ENAH: variants seen among roughly 807,000 people sequenced by gnomAD.
ENAH encodes the protein ENAH actin regulator, also known as protein enabled homolog.
In ENAH, 23 loss-of-function variants were observed where a neutral mutation model predicts 78.7. That is an observed-to-expected ratio of 0.29 (90% CI 0.21 to 0.41). The LOEUF (loss-of-function observed/expected upper bound fraction) is 0.41, where lower values mean the gene tolerates loss of function less well. Among genes scored for constraint, ENAH ranks in the 10% least tolerant of loss-of-function variants. The pLI, the probability that ENAH is intolerant of heterozygous loss-of-function variation, is 1.00. For missense variants in ENAH, 544 were observed against 691.0 expected, an observed-to-expected ratio of 0.79 and a Z score of 2.39; for synonymous variants, 226 against 241.0, an observed-to-expected ratio of 0.94 and a Z score of 0.58.
chr1:225,566,263 T>G (rs201389035), intron 2 of ENAH, among the ~76,000 whole-genome samples: 4 of 151,894 alleles, frequency 2.6e-5, no homozygotes, highest in Non-Finnish European at 5.9e-5. Context: ...TTGTGTGTTT[T>G]TTTGTTTGTT....
chr1:225,511,980 G>A, intron 9 of ENAH, 121 bp from the exon 10 acceptor site: 1 of 571,624 alleles, frequency 1.7e-6, no homozygotes, highest in Non-Finnish European at 3.0e-6. Flanking sequence ...TCTTTCATCG[G>A]TCTTCTCTCC....
intron 11 of ENAH, among the ~76,000 whole-genome samples, chr1:225,502,226 T>G (rs529276615): frequency 6.6e-6 from 1 of 152,296 alleles, no homozygotes; most frequent in African/African-American, 2.4e-5. Flanking sequence ...TTGCTGCTGT[T>G]TATGAGATGC....
At chr1:225,555,862 TGAG>T (rs1429920397) in intron 2 of ENAH, among the ~76,000 whole-genome samples, 1 of 152,234 alleles carries the variant, frequency 6.6e-6, no homozygotes, top group African/African-American at 2.4e-5. Flanking sequence ...CATATCATTC[TGAG>T]GAGGGTCTTG....
chr1:225,592,871 T>C (rs919911873), intron 1 of ENAH, among the ~76,000 whole-genome samples: 1 of 152,118 alleles, frequency 6.6e-6, no homozygotes, highest in Non-Finnish European at 1.5e-5. Flanking sequence ...AACTACTTTA[T>C]AAAAGTTGTA....
At chr1:225,543,043 C>T (rs1178619091) in intron 3 of ENAH, among the ~76,000 whole-genome samples, 1 of 151,258 alleles carries the variant, frequency 6.6e-6, no homozygotes, top group Non-Finnish European at 1.5e-5. Context: ...AAGTTCTGTA[C>T]TTTATTCTAA....
chr1:225,539,130 C>T (rs1227215161), intron 3 of ENAH, among the ~76,000 whole-genome samples: 2 of 152,184 alleles, frequency 1.3e-5, no homozygotes, highest in African/African-American at 4.8e-5. Context: ...TTCAGTTACA[C>T]AAACCAGAAA....
intron 1 of ENAH, 67 bp downstream of exon 1, chr1:225,652,619 G>A (rs1558969553): frequency 2.4e-6 from 3 of 1,251,104 alleles, no homozygotes; most frequent in Non-Finnish European, 3.0e-6. Context: ...CGGGGTCCGA[G>A]GAGAACGGGG....
chr1:225,541,961 A>G (rs574704433), intron 3 of ENAH, among the ~76,000 whole-genome samples: 58 of 152,170 alleles, frequency 3.8e-4, no homozygotes, highest in Non-Finnish European at 6.9e-4. Flanking sequence ...GTGAAGTGGA[A>G]CCTCAAACTC....
Position 225,590,926 on chromosome 1 carries a change from C to T in ENAH, c.6-23512G>A, listed in dbSNP as rs137866387. 6.9e-4 allele frequency among the ~76,000 whole-genome samples: 105 copies of T among 152,232 alleles called. 1 individual carries two copies. In the East Asian group the frequency reaches 0.014, roughly 21 times the overall value. ...AAAATATAATATCCTACAATTTCTG[C>T]AAAGGAGAATCTAGTTAGGAATAGT... On this transcript the variant is annotated intron_variant, in intron 1 of 13. Transcript: ENST00000366843.
chr1:225,633,907 G>T (rs1424007833), intron 1 of ENAH, among the ~76,000 whole-genome samples: 1 of 152,142 alleles, frequency 6.6e-6, no homozygotes, highest in Non-Finnish European at 1.5e-5. Flanking sequence ...CAGCTATGAG[G>T]CCTCTGGATC....
At chr1:225,539,144 A>C (rs1379238426) in intron 3 of ENAH, among the ~76,000 whole-genome samples, 1 of 152,086 alleles carries the variant, frequency 6.6e-6, no homozygotes, top group Admixed American at 6.5e-5. Context: ...CCAGAAATCC[A>C]CTACCTTTTC....
rs899068252 is a variant in ENAH at position 225,489,974 on chromosome 1, A to G, written c.*7801T>C. ...AATAATAATAATAACAATAATAATA[A>G]AAAGCTTTATCTATCCTTGCTTGTA... On this transcript the variant is annotated 3_prime_UTR_variant, in exon 14 of 14. Transcript: ENST00000366843. 6.6e-6 allele frequency: 1 copy of G among 152,138 alleles called. No homozygotes were observed. Among genetic ancestry groups the G allele is most frequent in the Non-Finnish European group, 1.5e-5 (1 of 68,036 alleles). The allele number at this position is 152,138 out of a possible 1,614,324, so 9.4% of individuals were successfully genotyped here. A position where few individuals can be genotyped will look rare whatever the true frequency, so the allele number is the denominator to read the frequency against.
chr1:225,649,397 T>C (rs1662555052), intron 1 of ENAH, among the ~76,000 whole-genome samples: 1 of 142,646 alleles, frequency 7.0e-6, no homozygotes, highest in Non-Finnish European at 1.5e-5. Flanking sequence ...CTCTTTCAGT[T>C]AAAAAAAAAA....
intron 1 of ENAH, among the ~76,000 whole-genome samples, chr1:225,620,031 C>T (rs544336853): frequency 1.6e-4 from 25 of 152,144 alleles, no homozygotes; most frequent in Non-Finnish European, 3.7e-4. Context: ...TTCAAGGATA[C>T]GATGCATTAA....
In ENAH at chr1:225,562,590, AAAAAAAAAAAAAC is replaced by A. The variant is rs2096713097; in HGVS notation, c.171+4646_171+4658del. 2.7e-5 allele frequency among the ~76,000 whole-genome samples: 4 copies of A among 148,952 alleles called. No individual in the cohort carries two copies. In the South Asian group the frequency reaches 8.4e-4, roughly 31 times the overall value. On this transcript the variant is annotated intron_variant, in intron 2 of 13. Transcript: ENST00000366843. ...GCGTCTCAAAAAAAAAAAAAAAAAAAAAAAAAAAAAAACACACCCAAGCATAGTACCCATAAGC... is the reference window on the plus strand; with the variant it reads ...GCGTCTCAAAAAAAAAAAAAAAAAAAACACCCAAGCATAGTACCCATAAGC...
chr1:225,598,397 AAGAC>A (rs2096913123), intron 1 of ENAH, among the ~76,000 whole-genome samples: 1 of 152,140 alleles, frequency 6.6e-6, no homozygotes, highest in Non-Finnish European at 1.5e-5. Flanking sequence ...AAAAAAGGAA[AAGAC>A]AGAAAGTATA....
chr1:225,647,686 C>T (rs1442313658), intron 1 of ENAH, among the ~76,000 whole-genome samples: 4 of 152,178 alleles, frequency 2.6e-5, no homozygotes, highest in South Asian at 4.1e-4. Flanking sequence ...CCAAATACTA[C>T]ACTACACCCT....
At chr1:225,615,098 G>C (rs554457291) in intron 1 of ENAH, among the ~76,000 whole-genome samples, 1 of 152,110 alleles carries the variant, frequency 6.6e-6, no homozygotes, top group Admixed American at 6.5e-5. Context: ...GCCGAGCGGA[G>C]GCTGGACTGT....
chr1:225,574,111 T>C (rs2096776392), intron 1 of ENAH, among the ~76,000 whole-genome samples: 1 of 152,228 alleles, frequency 6.6e-6, no homozygotes, highest in Non-Finnish European at 1.5e-5. Flanking sequence ...CTTTGGAATT[T>C]TAAATTCAGG....
Sources: gnomAD v4.1 joint callset for allele counts (sites outside exome capture counted in the v4.1 genomes callset) on GRCh38, gnomAD v4.1.1 for gene constraint, MANE v1.5 for transcripts, NCBI Gene and HGNC (gene_info 2026-07-23, HGNC 2026-07-21) for gene names.